GRB10: variants seen among roughly 807,000 people sequenced by gnomAD.
GRB10 encodes growth factor receptor bound protein 10, also known as growth factor receptor-bound protein 10.
In GRB10, 20 loss-of-function variants were observed where a neutral mutation model predicts 80.9. The observed-to-expected ratio is 0.25, with a 90% CI of 0.17 to 0.36. The LOEUF (loss-of-function observed/expected upper bound fraction) is 0.36, where lower values mean the gene tolerates loss of function less well. GRB10 is among the 10% of genes least tolerant of loss of function. GRB10 has a pLI of 1.00. For missense variants in GRB10, 548 were observed against 747.7 expected (o/e 0.73, Z 3.12); for synonymous variants, 291 against 291.5 (o/e 1.00, Z 0.02).
chr7:50,642,986 A>G (rs2056550930), intron 7 of GRB10, among the ~76,000 whole-genome samples: 1 of 152,212 alleles, frequency 6.6e-6, no homozygotes, highest in South Asian at 2.1e-4. Flanking sequence ...ACAGTCTCAA[A>G]TCATCTTCCT....
intron 4 of GRB10, among the ~76,000 whole-genome samples, chr7:50,709,945 C>T (rs1290768072): frequency 6.6e-6 from 1 of 152,080 alleles, no homozygotes; most frequent in African/African-American, 2.4e-5. Context: ...GGAGCCACAA[C>T]CCAGCTGGTG....
Position 50,638,158 on chromosome 7 carries a change from G to A in GRB10, c.505-11180C>T, listed in dbSNP as rs575802200. On this transcript the variant is annotated intron_variant, in intron 7 of 18. Coordinates refer to ENST00000401949, the MANE Select transcript of GRB10 (RefSeq NM_001350814.2). ...GATTAAAGACTTAAATGTAAGACTG[G>A]AAACTATAAAAGTCCTAGAAGAAAA... is the stretch of plus-strand genomic sequence containing the variant. Among the ~76,000 whole-genome samples the A allele has an allele frequency of 5.3e-5, 8 of 152,136 alleles. No homozygotes were observed. In the South Asian group the frequency reaches 1.7e-3, roughly 31 times the overall value.
intron 5 of GRB10, among the ~76,000 whole-genome samples, chr7:50,677,786 TAA>T (rs2061116428): frequency 6.6e-6 from 1 of 152,234 alleles, no homozygotes; most frequent in African/African-American, 2.4e-5. Flanking sequence ...AGTTCACTGT[TAA>T]GTATAGTCAG....
In GRB10 at chr7:50,760,048, C is replaced by G. The variant is rs189852019; in HGVS notation, c.-216-3992G>C. Among the ~76,000 whole-genome samples the G allele has an allele frequency of 2.0e-4, 31 of 152,316 alleles. No homozygotes were observed. The East Asian group carries it at 4.6e-3, about 23-fold the overall frequency. Reference sequence around the variant, plus strand: ...CTCAGTGTGGGGCCTCCAGGAGCCACCAGCCGAGCAAGCACAAAGATGGGT... The same window carrying G: ...CTCAGTGTGGGGCCTCCAGGAGCCAGCAGCCGAGCAAGCACAAAGATGGGT... On this transcript the variant is annotated intron_variant, in intron 2 of 18. Coordinates refer to ENST00000401949, the MANE Select transcript of GRB10 (RefSeq NM_001350814.2).
In GRB10 at chr7:50,592,985, T is replaced by C. The variant is rs754273501; in HGVS notation, c.1752A>G (p.Lys584=). The change falls in exon 19 of 19, where the codon AAA becomes AAG. Residue 584 remains lysine (K), a synonymous_variant. Transcript: ENST00000401949. The stretch of plus-strand genomic sequence containing the variant: ...CCACTCGGATGCAGTGGTGCTTGAG[T>C]TTGCAAGGCAGGACTCCTTTGTTCA... ...YQLNKGVLPC[K]LKHHCIRVAL The C allele has an allele frequency of 6.2e-7, 1 of 1,613,992 alleles. No individual in the cohort carries two copies. The highest frequency in any genetic ancestry group is 1.1e-5 in the South Asian group (1 of 91,040).
chr7:50,595,291 G>A (rs1015317037), intron 18 of GRB10, 146 bp downstream of exon 18: 1 of 681,748 alleles, frequency 1.5e-6, no homozygotes, highest in Admixed American at 2.2e-5. Flanking sequence ...AGACAAACCT[G>A]TAAAGAAATT....
chr7:50,707,535 AT>A (rs2153671464), intron 4 of GRB10, among the ~76,000 whole-genome samples: 1 of 152,272 alleles, frequency 6.6e-6, no homozygotes, highest in South Asian at 2.1e-4. Context: ...TTCCTTAGTC[AT>A]TTTCTTCCAA....
At chr7:50,668,136 G>A (rs1472818442) in intron 7 of GRB10, among the ~76,000 whole-genome samples, 1 of 152,148 alleles carries the variant, frequency 6.6e-6, no homozygotes, top group Non-Finnish European at 1.5e-5. Flanking sequence ...TCTAAGTTTT[G>A]ATAGTGCCAT....
At chr7:50,773,075 G>GT (rs1439798801) in intron 2 of GRB10, among the ~76,000 whole-genome samples, 1 of 152,056 alleles carries the variant, frequency 6.6e-6, no homozygotes, top group Non-Finnish European at 1.5e-5. Context: ...ATGACAGAAG[G>GT]TGAAAGGCAT....
intron 1 of GRB10, among the ~76,000 whole-genome samples, chr7:50,788,229 C>A (rs553782570): frequency 6.6e-6 from 1 of 152,146 alleles, no homozygotes; most frequent in South Asian, 2.1e-4. Context: ...CTAAATACTC[C>A]CAGGGATGAA....
intron 2 of GRB10, among the ~76,000 whole-genome samples, chr7:50,777,844 T>C (rs2077856228): frequency 6.6e-6 from 1 of 152,024 alleles, no homozygotes; most frequent in South Asian, 2.1e-4. Flanking sequence ...ATGTTCTCAC[T>C]CATAAGTGGG....
rs1413751092 is a variant in GRB10 at position 50,631,266 on chromosome 7, C to G, written c.505-4288G>C. ...TTGCTCAAGGCTCAGCAGTAATCGC[C>G]TTGTAAAAATAGCAAATGGGGCACT... On this transcript the variant is annotated intron_variant, in intron 7 of 18. Transcript: ENST00000401949. Among the ~76,000 whole-genome samples the G allele has an allele frequency of 2.6e-5, 4 of 152,274 alleles. No individual in the cohort carries two copies. In the East Asian group the frequency reaches 7.7e-4, roughly 29 times the overall value.
Position 50,644,715 on chromosome 7 carries a change from G to A in GRB10, c.505-17737C>T, listed in dbSNP as rs188079675. ...TACCCTGGATCACAGCACCGAACTAGCAAGAGCGGGACATCAGCCTCTACA... is the reference window on the plus strand; with the variant it reads ...TACCCTGGATCACAGCACCGAACTAACAAGAGCGGGACATCAGCCTCTACA... On this transcript the variant is annotated intron_variant, in intron 7 of 18. Transcript: ENST00000401949. Among the ~76,000 whole-genome samples, 596 of 152,304 alleles carry A rather than the reference G, an allele frequency of 3.9e-3. 4 individuals carry two copies. The highest frequency in any genetic ancestry group is 5.8e-3 in the Non-Finnish European group (392 of 68,022).
intron 8 of GRB10, among the ~76,000 whole-genome samples, chr7:50,623,456 G>A (rs562244029): frequency 2.6e-5 from 4 of 152,334 alleles, no homozygotes; most frequent in East Asian, 1.9e-4. Context: ...CATAGGAGTC[G>A]TTCTCTGCTT....
intron 7 of GRB10, among the ~76,000 whole-genome samples, chr7:50,636,109 C>T (rs2153601538): frequency 6.6e-6 from 1 of 151,852 alleles, no homozygotes. Context: ...TCCCAAGTGG[C>T]TGGGACTACA....
At chr7:50,698,299 G>A (rs970558406) in intron 5 of GRB10, among the ~76,000 whole-genome samples, 15 of 152,130 alleles carry the variant, frequency 9.9e-5, no homozygotes, top group African/African-American at 3.1e-4. Context: ...CATCTGTAAC[G>A]TCTACATAGA....
At chr7:50,644,284 C>A (rs192975745) in intron 7 of GRB10, among the ~76,000 whole-genome samples, 1 of 152,154 alleles carries the variant, frequency 6.6e-6, no homozygotes, top group Admixed American at 6.5e-5. Flanking sequence ...TGTGTGTTCA[C>A]CTGCCCAGTG....
intron 3 of GRB10, among the ~76,000 whole-genome samples, chr7:50,743,915 A>C (rs531451714): frequency 6.6e-6 from 1 of 152,258 alleles, no homozygotes; most frequent in Non-Finnish European, 1.5e-5. Flanking sequence ...ACCACAGAAA[A>C]CAGCCTAGGC....
intron 7 of GRB10, among the ~76,000 whole-genome samples, chr7:50,645,883 C>G (rs1396155599): frequency 6.6e-6 from 1 of 152,210 alleles, no homozygotes; most frequent in Non-Finnish European, 1.5e-5. Flanking sequence ...CGAGGAACTG[C>G]AGAGTCCTAG....
Sources: gnomAD v4.1 joint callset for allele counts (sites outside exome capture counted in the v4.1 genomes callset) on GRCh38, gnomAD v4.1.1 for gene constraint, MANE v1.5 for transcripts, NCBI Gene and HGNC (gene_info 2026-07-23, HGNC 2026-07-21) for gene names.